The following LPA variants were observed in gnomAD, a reference collection of about 807,000 sequenced individuals.
LPA encodes lipoprotein(a).
Under a neutral mutation model 197.9 loss-of-function variants are expected in LPA, and 199 were observed. That is an observed-to-expected ratio of 1.01 (90% CI 0.90 to 1.13). LPA has a LOEUF of 1.13. LPA is among the 50% of genes most tolerant of loss of function. The pLI, the probability that LPA is intolerant of heterozygous loss-of-function variation, is 0.00. For synonymous variants in LPA, 715 were observed against 639.5 expected, an observed-to-expected ratio of 1.12 and a Z score of -1.78; for missense variants, 1,853 against 1,785.8, an observed-to-expected ratio of 1.04 and a Z score of -0.68.
chr6:160,567,921 T>C (rs1420785554), intron 28 of LPA, among the ~76,000 whole-genome samples: 3 of 152,158 alleles, frequency 2.0e-5, no homozygotes, highest in South Asian at 2.1e-4. Context: ...CCTGGACACA[T>C]ACACCCTACC....
chr6:160,565,591 GAAAATTCT>G (rs1778437737), intron 28 of LPA, among the ~76,000 whole-genome samples: 2 of 152,160 alleles, frequency 1.3e-5, no homozygotes, highest in African/African-American at 4.8e-5. Context: ...CAGAACAGCT[GAAAATTCT>G]AAAAATCAGG....
intron 38 of LPA, 82 bp from the exon 39 acceptor site, chr6:160,531,972 A>G: frequency 2.0e-6 from 3 of 1,473,116 alleles, no homozygotes; most frequent in Admixed American, 1.7e-5. Context: ...TCTTATCCAT[A>G]TGTACATTTT....
intron 37 of LPA, among the ~76,000 whole-genome samples, chr6:160,535,998 T>A (rs895697956): frequency 2.6e-5 from 4 of 152,114 alleles, no homozygotes; most frequent in African/African-American, 9.7e-5. Flanking sequence ...CCCTTATGGG[T>A]ATTAGTGGGG....
intron 34 of LPA, among the ~76,000 whole-genome samples, chr6:160,541,775 C>T (rs1777985400): frequency 1.3e-5 from 2 of 152,118 alleles, no homozygotes; most frequent in African/African-American, 4.8e-5. Context: ...TGCATGATGG[C>T]AGTATGTTGA....
At chr6:160,586,948 G>A (rs928617003) in intron 24 of LPA, among the ~76,000 whole-genome samples, 3 of 152,158 alleles carry the variant, frequency 2.0e-5, no homozygotes, top group African/African-American at 4.8e-5. Context: ...TGGATTAACC[G>A]AGAGGGATTT....
chr6:160,545,040 T>C (rs1230339651), intron 33 of LPA, among the ~76,000 whole-genome samples: 1 of 152,114 alleles, frequency 6.6e-6, no homozygotes, highest in Non-Finnish European at 1.5e-5. Context: ...AGCTGTTTCC[T>C]GCTGCTCGTA....
intron 1 of LPA, among the ~76,000 whole-genome samples, chr6:160,655,093 C>T (rs555684129): frequency 6.6e-6 from 1 of 152,322 alleles, no homozygotes; most frequent in African/African-American, 2.4e-5. Context: ...TGATGAAATG[C>T]CGCTGTGCTG....
intron 28 of LPA, among the ~76,000 whole-genome samples, chr6:160,573,488 G>A (rs184258775): frequency 6.6e-6 from 1 of 152,180 alleles, no homozygotes; most frequent in African/African-American, 2.4e-5. Flanking sequence ...TGAACTGGGA[G>A]TGTGATGAGC....
intron 18 of LPA, among the ~76,000 whole-genome samples, chr6:160,604,538 T>C (rs1779306879): frequency 1.3e-5 from 2 of 152,076 alleles, no homozygotes; most frequent in Non-Finnish European, 2.9e-5. Context: ...ACAACCAGTA[T>C]CCCTTCAGAC....
intron 20 of LPA, among the ~76,000 whole-genome samples, chr6:160,596,367 C>T (rs1319592708): frequency 2.0e-5 from 3 of 151,460 alleles, no homozygotes; most frequent in Non-Finnish European, 4.4e-5. Context: ...TACTTCCTTC[C>T]ATCTGCTTTC....
chr6:160,548,407 T>G, intron 31 of LPA, 71 bp downstream of exon 31: 5 of 1,517,624 alleles, frequency 3.3e-6, no homozygotes, highest in Non-Finnish European at 4.5e-6. Context: ...TGGTTTTTCA[T>G]GTCTTTTCAT....
chr6:160,575,164 T>C (rs1778632571), intron 28 of LPA, among the ~76,000 whole-genome samples: 1 of 152,218 alleles, frequency 6.6e-6, no homozygotes, highest in South Asian at 2.1e-4. Context: ...ATATTTCTGA[T>C]TGATTAGTTT....
At chr6:160,557,698 A>T in intron 28 of LPA, 127 bp from the exon 29 acceptor site, 1 of 783,014 alleles carries the variant, frequency 1.3e-6, no homozygotes, top group Non-Finnish European at 2.1e-6. Context: ...TTTAGGTACA[A>T]TAATATTCCG....
chr6:160,660,904 G>C (rs987807358), intron 1 of LPA, among the ~76,000 whole-genome samples: 1 of 152,182 alleles, frequency 6.6e-6, no homozygotes, highest in Non-Finnish European at 1.5e-5. Context: ...AGATTTCAGA[G>C]GAAATTGTAA....
intron 30 of LPA, among the ~76,000 whole-genome samples, chr6:160,551,614 G>A (rs1156559748): frequency 2.0e-5 from 3 of 152,120 alleles, no homozygotes; most frequent in Non-Finnish European, 4.4e-5. Flanking sequence ...CCTTCTCCAA[G>A]GTTGTGAAGA....
chr6:160,560,043 G>T (rs938146236), intron 28 of LPA, among the ~76,000 whole-genome samples: 4 of 152,244 alleles, frequency 2.6e-5, no homozygotes, highest in South Asian at 2.1e-4. Context: ...TATGGTGTTT[G>T]GTTTTCTGTT....
intron 7 of LPA, among the ~76,000 whole-genome samples, chr6:160,634,833 A>G (rs1181698027): frequency 2.0e-5 from 3 of 150,262 alleles, no homozygotes; most frequent in Non-Finnish European, 2.9e-5. Flanking sequence ...ACGTTACAAT[A>G]AAAATTTTGG....
chr6:160,615,373 T>C lies in LPA; in HGVS notation c.2261+1744A>G, dbSNP rs1276077173. On this transcript the variant is annotated intron_variant, in intron 14 of 38. Coordinates refer to ENST00000316300, the MANE Select transcript of LPA (RefSeq NM_005577.4). ...CAGTTTGTGTGTGTGTGTGTGTGTG[T>C]GTGTGTGTGTGTAGCTCATTCTGTA... 3.0e-4 allele frequency among the ~76,000 whole-genome samples: 41 copies of C among 138,364 alleles called. No individual in the cohort carries two copies. The East Asian group carries it at 8.6e-3, about 29-fold the overall frequency. The allele number at this position is 138,364 out of a possible 152,430, so 90.8% of individuals were successfully genotyped here. A position where few individuals can be genotyped will look rare whatever the true frequency, so the allele number is the denominator to read the frequency against.
Position 160,635,580 on chromosome 6 carries a change from C to T in LPA, c.894-276G>A, listed in dbSNP as rs561727642. ...CACTGAGATAACACACACACGTGGC[C>T]GAAAAACGATCAGAGTATTCTCCTT... On this transcript the variant is annotated intron_variant, in intron 6 of 38. Coordinates refer to ENST00000316300, the MANE Select transcript of LPA (RefSeq NM_005577.4). 1.5e-3 allele frequency among the ~76,000 whole-genome samples: 190 copies of T among 124,224 alleles called. 47 individuals carry two copies. The highest frequency in any genetic ancestry group is 2.3e-3 in the Non-Finnish European group (131 of 57,876). The allele number at this position is 124,224 out of a possible 152,430, so 81.5% of individuals were successfully genotyped here. A position where few individuals can be genotyped will look rare whatever the true frequency, so the allele number is the denominator to read the frequency against.
Sources: gnomAD v4.1 joint callset for allele counts (sites outside exome capture counted in the v4.1 genomes callset) on GRCh38, gnomAD v4.1.1 for gene constraint, MANE v1.5 for transcripts, NCBI Gene and HGNC (gene_info 2026-07-23, HGNC 2026-07-21) for gene names.